FOXP2: variants seen among roughly 807,000 people sequenced by gnomAD.
FOXP2 encodes the protein forkhead box protein P2.
In FOXP2, 12 loss-of-function variants were observed where a neutral mutation model predicts 115.8. The observed-to-expected ratio is 0.10, with a 90% confidence interval of 0.07 to 0.17. The LOEUF is 0.17. Ranked by LOEUF, FOXP2 falls within the 10% of genes least tolerant of loss-of-function variation. FOXP2 has a pLI of 1.00. For missense variants in FOXP2, 629 were observed against 843.5 expected (o/e 0.75, Z 3.15); for synonymous variants, 328 against 297.7 (o/e 1.10, Z -1.05).
chr7:114,561,476 T>C (rs1800755792), intron 3 of FOXP2: 1 of 152,226 alleles, frequency 6.6e-6, no homozygotes, highest in South Asian at 2.1e-4. Context: ...AAATGTATTT[T>C]AAAGAAGTTT....
At chr7:114,457,943 C>T (rs942351149) in intron 2 of FOXP2, among the ~76,000 whole-genome samples, 1 of 149,604 alleles carries the variant, frequency 6.7e-6, no homozygotes, top group Non-Finnish European at 1.5e-5. Flanking sequence ...AAGATGACAA[C>T]TTTACAAGGC....
At chr7:114,638,235 T>C (rs141681625) in intron 6 of FOXP2, among the ~76,000 whole-genome samples, 1,537 of 152,258 alleles carry the variant, frequency 0.01, 20 homozygotes, top group African/African-American at 0.035. Context: ...AAGAGTTTCT[T>C]GGGTTTTTCT....
intron 1 of FOXP2, among the ~76,000 whole-genome samples, chr7:114,278,087 A>C (rs1796234430): frequency 6.6e-6 from 1 of 151,472 alleles, no homozygotes; most frequent in South Asian, 2.1e-4. Flanking sequence ...AGATACTAGA[A>C]TCAAATGATG....
At chr7:114,375,369 C>G (rs904065305) in intron 2 of FOXP2, among the ~76,000 whole-genome samples, 2 of 152,114 alleles carry the variant, frequency 1.3e-5, no homozygotes, top group African/African-American at 4.8e-5. Context: ...CTTGTTTAGC[C>G]ACTTACTGTG....
intron 2 of FOXP2, among the ~76,000 whole-genome samples, chr7:114,484,056 G>T (rs971669535): frequency 8.6e-5 from 13 of 151,730 alleles, no homozygotes; most frequent in Non-Finnish European, 1.6e-4. Context: ...GTTATATGAA[G>T]TCAGAATTCC....
chr7:114,196,615 C>G (rs995258364), intron 1 of FOXP2, among the ~76,000 whole-genome samples: 1 of 152,080 alleles, frequency 6.6e-6, no homozygotes, highest in Non-Finnish European at 1.5e-5. Context: ...CAAGTTGTGT[C>G]AGTCATTTAA....
chr7:114,114,239 A>G (rs1435333105), intron 1 of FOXP2, among the ~76,000 whole-genome samples: 1 of 150,962 alleles, frequency 6.6e-6, no homozygotes, highest in Non-Finnish European at 1.5e-5. Flanking sequence ...ATATATATAT[A>G]TACGCATATA....
chr7:114,565,190 G>A (rs907012403), intron 3 of FOXP2, among the ~76,000 whole-genome samples: 2 of 151,180 alleles, frequency 1.3e-5, no homozygotes, highest in African/African-American at 2.4e-5. Flanking sequence ...AAAAAATCAG[G>A]AGTCCATGCA....
At chr7:114,570,706 T>A in intron 3 of FOXP2, 1 of 883,282 alleles carries the variant, frequency 1.1e-6, no homozygotes, top group Non-Finnish European at 1.9e-6. Context: ...ACCAAGATAA[T>A]AATTCCAAAA....
chr7:114,600,753 A>G (rs564111045), intron 3 of FOXP2, among the ~76,000 whole-genome samples: 1 of 152,288 alleles, frequency 6.6e-6, no homozygotes, highest in South Asian at 2.1e-4. Context: ...GACTTAAGAT[A>G]TTGAACATAA....
chr7:114,107,355 G>T (rs1791146168), intron 1 of FOXP2, among the ~76,000 whole-genome samples: 1 of 151,908 alleles, frequency 6.6e-6, no homozygotes, highest in Admixed American at 6.6e-5. Flanking sequence ...ACAGAGTACT[G>T]CTGTGGTGCT....
intron 1 of FOXP2, among the ~76,000 whole-genome samples, chr7:114,142,531 G>A (rs1455723947): frequency 6.6e-6 from 1 of 152,102 alleles, no homozygotes; most frequent in Non-Finnish European, 1.5e-5. Flanking sequence ...TTTCCAGAAG[G>A]TCCATTTTAA....
chr7:114,400,690 A>T (rs539357365), intron 2 of FOXP2, among the ~76,000 whole-genome samples: 78 of 152,140 alleles, frequency 5.1e-4, no homozygotes, highest in Non-Finnish European at 1.0e-3. Context: ...GGAGCACACA[A>T]CCTAGATTCC....
intron 2 of FOXP2, among the ~76,000 whole-genome samples, chr7:114,390,023 C>CAAAAA (rs11311566): frequency 2.1e-5 from 2 of 93,188 alleles, no homozygotes; most frequent in Non-Finnish European, 2.0e-5. Context: ...CATTCAGTGT[C>CAAAAA]AAAAAAAAAA....
chr7:114,577,575 C>T (rs1339164708), intron 3 of FOXP2, among the ~76,000 whole-genome samples: 1 of 151,934 alleles, frequency 6.6e-6, no homozygotes, highest in African/African-American at 2.4e-5. Context: ...TGCTCAGGCT[C>T]TCACAATCAT....
intron 1 of FOXP2, among the ~76,000 whole-genome samples, chr7:114,205,761 C>T (rs1303001735): frequency 1.3e-5 from 2 of 152,172 alleles, no homozygotes; most frequent in Non-Finnish European, 2.9e-5. Flanking sequence ...AGCAAAGTGG[C>T]TCTTCAAGTT....
intron 3 of FOXP2, among the ~76,000 whole-genome samples, chr7:114,620,218 T>A (rs1804173398): frequency 6.6e-6 from 1 of 152,022 alleles, no homozygotes. Context: ...ATATATAACC[T>A]AACGGCAAGT....
rs757482591 is a variant in FOXP2, at chr7:114,690,057, G to A, written c.*131G>A. ...CATGGATAAAGGAGACAGCCCTAAA[G>A]GAACTTACTAAGCCAGCCCTTTGGG... On this transcript the variant is annotated 3_prime_UTR_variant, in exon 17 of 17. Coordinates refer to ENST00000350908, the MANE Select transcript of FOXP2 (RefSeq NM_014491.4). The A allele has an allele frequency of 5.4e-6, 6 of 1,114,828 alleles. No homozygotes were observed. The highest frequency in any genetic ancestry group is 8.0e-6 in the Non-Finnish European group (6 of 751,236). The allele number at this position is 1,114,828 out of a possible 1,614,324, so 69.1% of individuals were successfully genotyped here.
chr7:114,162,652 TA>T (rs1792874560), upstream of FOXP2, among the ~76,000 whole-genome samples: 1 of 152,124 alleles, frequency 6.6e-6, no homozygotes, highest in African/African-American at 2.4e-5. Context: ...TAAAGTCTTT[TA>T]AAAAATACAT....
Sources: gnomAD v4.1 joint callset for allele counts (sites outside exome capture counted in the v4.1 genomes callset) on GRCh38, gnomAD v4.1.1 for gene constraint, MANE v1.5 for transcripts, NCBI Gene and HGNC (gene_info 2026-07-23, HGNC 2026-07-21) for gene names.